IL1RAPL2: variants seen among roughly 807,000 people sequenced by gnomAD.
IL1RAPL2 encodes the protein X-linked interleukin-1 receptor accessory protein-like 2.
IL1RAPL2 carries 3 observed loss-of-function variants against 44.1 expected under a neutral mutation model. The observed-to-expected ratio is 0.07, with a 90% CI of 0.03 to 0.18. The LOEUF is 0.18. IL1RAPL2 is among the 10% of genes least tolerant of loss of function. The probability of loss-of-function intolerance (pLI) is 1.00; values close to 1 mark genes in which losing one functional copy is unlikely to be tolerated. For synonymous variants in IL1RAPL2, 181 were observed against 178.8 expected, an observed-to-expected ratio of 1.01 and a Z score of -0.10; for missense variants, 391 against 496.4, an observed-to-expected ratio of 0.79 and a Z score of 2.02.
Position 104,781,078 on chromosome X carries a change from T to G in IL1RAPL2, c.82+122083T>G, listed in dbSNP as rs777333658. On this transcript the variant is annotated intron_variant, in intron 2 of 10. Coordinates refer to ENST00000372582, the MANE Select transcript of IL1RAPL2 (RefSeq NM_017416.2). ...TACTTTACTTAGTTTTATTTTTTTT[T>G]TTGTTAGTCAGAGAGACTCCTATTT... Among the ~76,000 whole-genome samples, 24 of 110,901 alleles carry G rather than the reference T, an allele frequency of 2.2e-4. 1 individual carries two copies. Among genetic ancestry groups the G allele is most frequent in the South Asian group, 3.9e-4 (1 of 2,587 alleles).
At chrX:105,299,114 TATA>T (rs2147673360) in intron 5 of IL1RAPL2, among the ~76,000 whole-genome samples, 1 of 111,944 alleles carries the variant, frequency 8.9e-6, no homozygotes, top group Non-Finnish European at 1.9e-5. Context: ...TTTTTGTTGT[TATA>T]ATACATATAA....
intron 2 of IL1RAPL2, among the ~76,000 whole-genome samples, chrX:104,915,221 G>A (rs1394811269): frequency 2.7e-5 from 3 of 110,956 alleles, no homozygotes; most frequent in South Asian, 3.8e-4. Context: ...ATCCTCTCCA[G>A]CACCTGTTGT....
chrX:105,130,995 T>A (rs925046530), intron 2 of IL1RAPL2, among the ~76,000 whole-genome samples: 8 of 111,540 alleles, frequency 7.2e-5, no homozygotes, highest in African/African-American at 2.6e-4. Flanking sequence ...AGAAACAATT[T>A]CATTCAAACT....
In IL1RAPL2 at chrX:105,149,984, T is replaced by C. The variant is rs571972539; in HGVS notation, c.83-45491T>C. Among the ~76,000 whole-genome samples the C allele has an allele frequency of 2.2e-4, 25 of 111,313 alleles. 1 individual carries two copies. The South Asian group carries it at 9.5e-3, about 42-fold the overall frequency. On this transcript the variant is annotated intron_variant, in intron 2 of 10. Transcript: ENST00000372582. ...GGGGCAGCCTGGATTTACATGAATT[T>C]AAATTTTCGTCAGTTAACACAAGTT...
At chrX:105,458,751 G>A (rs544697283) in intron 5 of IL1RAPL2, among the ~76,000 whole-genome samples, 36 of 111,925 alleles carry the variant, frequency 3.2e-4, no homozygotes, top group Non-Finnish European at 4.7e-4. Context: ...GACACTGATC[G>A]TTTTTGACTA....
At chrX:105,398,436 G>T (rs6652398) in intron 5 of IL1RAPL2, among the ~76,000 whole-genome samples, 1 of 110,402 alleles carries the variant, frequency 9.1e-6, no homozygotes, top group Non-Finnish European at 1.9e-5. Context: ...TTGAAGCAGG[G>T]TAAGTATTTT....
chrX:105,654,136 C>T, intron 6 of IL1RAPL2, among the ~76,000 whole-genome samples: 1 of 104,577 alleles, frequency 9.6e-6, no homozygotes, highest in East Asian at 2.8e-4. Flanking sequence ...GTGAGTTACT[C>T]ATACTTTGAC....
At chrX:105,458,565 C>T (rs140561790) in intron 5 of IL1RAPL2, among the ~76,000 whole-genome samples, 306 of 111,780 alleles carry the variant, frequency 2.7e-3, no homozygotes, top group South Asian at 0.014. Context: ...TCTAAGGTCT[C>T]TTCTGGGCCA....
intron 2 of IL1RAPL2, among the ~76,000 whole-genome samples, chrX:105,070,023 C>T (rs1186736162): frequency 8.9e-6 from 1 of 111,796 alleles, no homozygotes; most frequent in African/African-American, 3.2e-5. Context: ...AAGAGTTGCT[C>T]TGAATATGCC....
intron 4 of IL1RAPL2, among the ~76,000 whole-genome samples, chrX:105,249,169 A>G (rs1312128246): frequency 9.0e-6 from 1 of 111,646 alleles, no homozygotes; most frequent in East Asian, 2.8e-4. Flanking sequence ...AGCCATAAAA[A>G]AAGAGATTCT....
intron 3 of IL1RAPL2, among the ~76,000 whole-genome samples, chrX:105,222,986 C>T (rs1274022374): frequency 9.9e-5 from 11 of 110,754 alleles, no homozygotes; most frequent in African/African-American, 3.6e-4. Context: ...CCTGTGTCTA[C>T]TAAAAATACA....
At chrX:105,580,362 G>GTTTTTTTTTTTTTTT (rs149950677) in intron 6 of IL1RAPL2, among the ~76,000 whole-genome samples, 1 of 84,651 alleles carries the variant, frequency 1.2e-5, no homozygotes. Context: ...AACCCCCCGT[G>GTTTTTTTTTTTTTTT]TTTTTTTTTT....
At chrX:105,475,554 G>A (rs899460649) in intron 5 of IL1RAPL2, among the ~76,000 whole-genome samples, 1 of 110,186 alleles carries the variant, frequency 9.1e-6, no homozygotes, top group African/African-American at 3.3e-5. Context: ...AAATTTCTTT[G>A]ATAATAACTA....
intron 1 of IL1RAPL2, among the ~76,000 whole-genome samples, chrX:104,609,257 C>A (rs953592769): frequency 9.0e-6 from 1 of 111,693 alleles, no homozygotes; most frequent in Non-Finnish European, 1.9e-5. Context: ...GTGGGTAACT[C>A]GACCTTTCTC....
intron 6 of IL1RAPL2, among the ~76,000 whole-genome samples, chrX:105,686,452 C>T (rs1298089341): frequency 1.1e-5 from 1 of 92,146 alleles, no homozygotes; most frequent in African/African-American, 4.1e-5. Flanking sequence ...TTTAAACCAA[C>T]AAAGATCAAA....
chrX:104,681,863 C>T (rs1488648614), intron 2 of IL1RAPL2, among the ~76,000 whole-genome samples: 1 of 112,565 alleles, frequency 8.9e-6, no homozygotes, highest in Non-Finnish European at 1.9e-5. Flanking sequence ...GAACACATGT[C>T]CCTCCTGGGG....
chrX:105,526,340 A>G (rs1323590842), intron 6 of IL1RAPL2, among the ~76,000 whole-genome samples: 3 of 111,488 alleles, frequency 2.7e-5, no homozygotes, highest in South Asian at 3.7e-4. Flanking sequence ...AATCACCTCA[A>G]TCTCCTCTGG....
intron 6 of IL1RAPL2, among the ~76,000 whole-genome samples, chrX:105,544,291 T>C (rs1311704232): frequency 1.8e-4 from 20 of 111,755 alleles, no homozygotes; most frequent in East Asian, 8.3e-4. Context: ...TTATTAGTTA[T>C]AGATATTTTT....
At chrX:105,164,500 G>A (rs772157848) in intron 2 of IL1RAPL2, among the ~76,000 whole-genome samples, 1 of 112,260 alleles carries the variant, frequency 8.9e-6, no homozygotes, top group East Asian at 2.8e-4. Context: ...GAATAAGATA[G>A]GTGAAATACC....
Sources: allele counts gnomAD v4.1 joint callset (sites outside exome capture counted in the v4.1 genomes callset), GRCh38; gene constraint gnomAD v4.1.1; transcripts MANE v1.5; gene names NCBI Gene and HGNC (gene_info 2026-07-23, HGNC 2026-07-21).